Variants in TMEM192 observed in about 807,000 individuals in gnomAD.
The protein encoded by TMEM192 is transmembrane protein 192.
In TMEM192, 20 loss-of-function variants were observed where a neutral mutation model predicts 26.7. The observed-to-expected ratio is 0.75, with a 90% CI of 0.53 to 1.09. The LOEUF (loss-of-function observed/expected upper bound fraction) is 1.09. Among genes scored for constraint, TMEM192 ranks in the 50% least tolerant of loss-of-function variants. TMEM192 has a pLI of 0.00. For missense variants in TMEM192, 304 were observed against 322.6 expected (o/e 0.94, Z 0.44); for synonymous variants, 124 against 121.0 (o/e 1.02, Z -0.16).
In TMEM192 at chr4:165,094,655, T is replaced by G. The variant is rs541008493; in HGVS notation, c.439+5973A>C. Among the ~76,000 whole-genome samples, 5 of 144,114 alleles carry G rather than the reference T, an allele frequency of 3.5e-5. No homozygotes were observed. In the South Asian group the frequency reaches 1.1e-3, roughly 31 times the overall value. 94.5% of individuals were successfully genotyped at this position (144,114 alleles called of 152,430 possible). On this transcript the variant is annotated intron_variant, in intron 3 of 5. Transcript: ENST00000306480. ...CTGGGTGACAGAGCGAGACTCTGTCTCAAAAAAAAAAAAGAAAAGGAAAAA... is the reference window on the plus strand; with the variant it reads ...CTGGGTGACAGAGCGAGACTCTGTCGCAAAAAAAAAAAAGAAAAGGAAAAA...
Position 165,088,506 on chromosome 4 carries a change from T to A in TMEM192, c.536A>T (p.Glu179Val), listed in dbSNP as rs199501717. The change falls in exon 4 of 6, where the codon GAA becomes GTA. Residue 179 changes from glutamate to valine, a missense_variant. Transcript: ENST00000306480. ...GAGACATATCAGGGAACAGATGAGTTCCAGTGCCAAGATGGCCAGAATGAG... is the reference window on the plus strand; with the variant it reads ...GAGACATATCAGGGAACAGATGAGTACCAGTGCCAAGATGGCCAGAATGAG... Reference protein sequence around the residue: ...LDLILAILALELICSLICLLI... With the variant: ...LDLILAILALVLICSLICLLI... 10 of 1,613,812 alleles carry A rather than the reference T, an allele frequency of 6.2e-6. No individual in the cohort carries two copies. The highest frequency in any genetic ancestry group is 8.5e-6 in the Non-Finnish European group (10 of 1,179,886).
Position 165,081,576 on chromosome 4 carries a change from A to G in TMEM192, c.678-1780T>C, listed in dbSNP as rs1734523765. Among the ~76,000 whole-genome samples, 2 of 35,396 alleles carry G rather than the reference A, an allele frequency of 5.7e-5. 1 individual carries two copies. Among genetic ancestry groups the G allele is most frequent in the African/African-American group, 1.0e-4 (2 of 19,618 alleles). The allele number at this position is 35,396 out of a possible 152,430, so 23.2% of individuals were successfully genotyped here. Reference sequence around the variant, plus strand: ...TTTTTTTTTTTTTGTATTTTTCAGTAGAGATGGGGTTTCACCATATTAGCC... The same window carrying G: ...TTTTTTTTTTTTTGTATTTTTCAGTGGAGATGGGGTTTCACCATATTAGCC... On this transcript the variant is annotated intron_variant, in intron 5 of 5. Transcript: ENST00000306480.
rs141459493 is a variant in TMEM192, at chr4:165,079,659, C to G, written c.815G>C (p.Ter272SerextTer16). 14 of 1,609,154 alleles carry G rather than the reference C, an allele frequency of 8.7e-6. No homozygotes were observed. In the Middle Eastern group the frequency reaches 8.3e-4, roughly 95 times the overall value. The change falls in exon 6 of 6, where the codon TGA becomes TCA. Residue 272 changes from the stop codon to serine (S), a stop_lost. Transcript: ENST00000306480. ...SDLGCQPSRT[*>S] is the part of the protein sequence containing the mutation. ...ATTGCTGTCATGACCGTGAGCCTCT[C>G]ACGTTCTACTTGGCTGACAGCCCAG... is the stretch of plus-strand genomic sequence containing the variant.
At chr4:165,101,317 T>C (rs1316428362) in intron 2 of TMEM192, among the ~76,000 whole-genome samples, 2 of 152,100 alleles carry the variant, frequency 1.3e-5, no homozygotes, top group African/African-American at 2.4e-5. Flanking sequence ...CCCTGTCCTA[T>C]TTTTATAAAT....
Position 165,100,889 on chromosome 4 carries a change from C to G in TMEM192, c.178G>C (p.Val60Leu), listed in dbSNP as rs373678960. The change falls in exon 3 of 6, where the codon GTG becomes CTG. Residue 60 changes from valine (V) to leucine (L), a missense_variant. Coordinates refer to ENST00000306480, the MANE Select transcript of TMEM192 (RefSeq NM_001100389.2). ...IVNLLWFIHL[V>L]FVVLAFLTGV... Reference sequence around the variant, plus strand: ...GTTAAAAATGCTAAAACAACAAACACGAGCTGGGGGAAAGGAGAGCAGAAA... The same window carrying G: ...GTTAAAAATGCTAAAACAACAAACAGGAGCTGGGGGAAAGGAGAGCAGAAA... 17 of 1,607,572 alleles carry G rather than the reference C, an allele frequency of 1.1e-5. No individual in the cohort carries two copies. The highest frequency in any genetic ancestry group is 1.3e-5 in the Non-Finnish European group (15 of 1,177,662).
chr4:165,111,153 G>A (rs903968677), intron 1 of TMEM192, among the ~76,000 whole-genome samples: 3 of 152,314 alleles, frequency 2.0e-5, no homozygotes, highest in Admixed American at 2.0e-4. Flanking sequence ...CGGCTGGAGT[G>A]CAGTGATGCG....
chr4:165,110,200 A>G (rs1472927826), intron 1 of TMEM192, among the ~76,000 whole-genome samples: 1 of 152,218 alleles, frequency 6.6e-6, no homozygotes, highest in African/African-American at 2.4e-5. Context: ...CATTTCCATT[A>G]TTAACTACAT....
intron 3 of TMEM192, among the ~76,000 whole-genome samples, chr4:165,094,989 G>T (rs1734861219): frequency 6.7e-6 from 1 of 148,370 alleles, no homozygotes; most frequent in South Asian, 2.1e-4. Flanking sequence ...AAAAAAAAAA[G>T]ATTCTAAGGT....
rs188321966 is a variant in TMEM192 at position 165,097,568 on chromosome 4, C to A, written c.439+3060G>T. ...AAAATAAAAGTTAAATTCTGTGGAG[C>A]CTTTTTTTTTTTTTTTTGGAGAAAA... is the stretch of plus-strand genomic sequence containing the variant. On this transcript the variant is annotated intron_variant, in intron 3 of 5. Transcript: ENST00000306480. Among the ~76,000 whole-genome samples, 1,111 of 125,422 alleles carry A rather than the reference C, an allele frequency of 8.9e-3. 7 individuals are homozygous for A. Among genetic ancestry groups the A allele is most frequent in the South Asian group, 0.036 (153 of 4,248 alleles). 82.3% of individuals were successfully genotyped at this position (125,422 alleles called of 152,430 possible).
intron 3 of TMEM192, among the ~76,000 whole-genome samples, chr4:165,095,289 A>G (rs1328035041): frequency 6.6e-6 from 1 of 152,230 alleles, no homozygotes; most frequent in Middle Eastern, 3.4e-3. Flanking sequence ...AAGAATTCTG[A>G]TTTTCAATTC....
intron 3 of TMEM192, among the ~76,000 whole-genome samples, chr4:165,089,623 G>A (rs1438412698): frequency 3.9e-5 from 6 of 152,160 alleles, no homozygotes; most frequent in Admixed American, 2.0e-4. Context: ...GCACCCAGCC[G>A]AAAGTGACCT....
At chr4:165,097,930 C>T (rs11100598) in intron 3 of TMEM192, among the ~76,000 whole-genome samples, 43,020 of 151,784 alleles carry the variant, frequency 0.28, 7,204 homozygotes, top group African/African-American at 0.47. Context: ...CGGGTTCAAG[C>T]GATTCTCAGC....
intron 3 of TMEM192, among the ~76,000 whole-genome samples, chr4:165,099,718 G>C (rs1427880912): frequency 6.6e-6 from 1 of 152,144 alleles, no homozygotes; most frequent in Non-Finnish European, 1.5e-5. Context: ...TGAGGCAGGA[G>C]GGTTGTTTGA....
intron 1 of TMEM192, among the ~76,000 whole-genome samples, 154 bp downstream of exon 1, chr4:165,112,593 C>G (rs1735320617): frequency 6.6e-6 from 1 of 152,334 alleles, no homozygotes; most frequent in African/African-American, 2.4e-5. Flanking sequence ...CCCAAAGCCC[C>G]GCGCCCAGGC....
intron 1 of TMEM192, among the ~76,000 whole-genome samples, chr4:165,105,458 C>A (rs1046889098): frequency 6.6e-6 from 1 of 152,108 alleles, no homozygotes; most frequent in African/African-American, 2.4e-5. Flanking sequence ...TAGCTGAGAG[C>A]AAGTTACTTC....
At chr4:165,084,347 C>A (rs11732522) in intron 5 of TMEM192, among the ~76,000 whole-genome samples, 108,366 of 151,212 alleles carry the variant, frequency 0.72, 44,729 homozygotes, top group East Asian at 0.95. Flanking sequence ...TACAGGTATG[C>A]GCCACTGTGC....
chr4:165,099,102 C>CTTTTTTTTTTTTTTT (rs1160535314), intron 3 of TMEM192, among the ~76,000 whole-genome samples: 6 of 126,220 alleles, frequency 4.8e-5, no homozygotes, highest in South Asian at 2.5e-4. Flanking sequence ...TTTTTTCTTT[C>CTTTTTTTTTTTTTTT]TTTTTTTTTT....
At chr4:165,088,805 A>G (rs2110753752) in intron 3 of TMEM192, among the ~76,000 whole-genome samples, 1 of 152,118 alleles carries the variant, frequency 6.6e-6, no homozygotes, top group East Asian at 1.9e-4. Context: ...TTGGGAAGTC[A>G]AGACAAGAGG....
intron 3 of TMEM192, among the ~76,000 whole-genome samples, chr4:165,093,375 G>C (rs564891338): frequency 2.5e-4 from 38 of 152,120 alleles, no homozygotes; most frequent in Admixed American, 2.3e-3. Flanking sequence ...GATTACAGGT[G>C]TGAGCCACCG....
Sources: allele counts gnomAD v4.1 joint callset (sites outside exome capture counted in the v4.1 genomes callset), GRCh38; gene constraint gnomAD v4.1.1; transcripts MANE v1.5; gene names NCBI Gene and HGNC (gene_info 2026-07-23, HGNC 2026-07-21).